AAK1: variants seen among roughly 807,000 people sequenced by gnomAD.
AAK1 encodes AP2 associated kinase 1.
A neutral mutation model predicts 116.0 loss-of-function variants in AAK1; 37 were observed. That is an observed-to-expected ratio of 0.32 (90% confidence interval 0.25 to 0.42). The LOEUF (loss-of-function observed/expected upper bound fraction) is 0.42. Among genes scored for constraint, AAK1 ranks in the 10% least tolerant of loss-of-function variants. The pLI, the probability that AAK1 is intolerant of heterozygous loss-of-function variation, is 1.00. For missense variants in AAK1, 919 were observed against 1,170.6 expected (o/e 0.79, Z 3.14); for synonymous variants, 458 against 439.9 (o/e 1.04, Z -0.51).
rs185333243 is a variant in AAK1, at chr2:69,609,813, G to A, written c.163+33065C>T. On this transcript the variant is annotated intron_variant, in intron 2 of 21. Transcript: ENST00000409085. ...GCCTGTAATCCCAGCACTTTAGGAG[G>A]CCGAGGTGGGTGGATCACGAGGTCA... 6.4e-3 allele frequency among the ~76,000 whole-genome samples: 967 copies of A among 152,216 alleles called. 21 individuals are homozygous for A. The highest frequency in any genetic ancestry group is 0.012 in the East Asian group (63 of 5,174).
intron 2 of AAK1, among the ~76,000 whole-genome samples, chr2:69,568,230 C>A (rs569310350): frequency 2.5e-4 from 38 of 152,250 alleles, no homozygotes; most frequent in Non-Finnish European, 2.8e-4. Flanking sequence ...TCTCTCAGCT[C>A]CCAAATGTTA....
rs890815504 is a variant in AAK1, at chr2:69,466,750, G to A, written c.*9119C>T. ...ACAATCAACCACTGTCTCACGTTTT[G>A]GAACATGATAGGCACGACGTACAGG... On this transcript the variant is annotated 3_prime_UTR_variant, in exon 22 of 22. Transcript: ENST00000409085. 2.0e-6 allele frequency: 2 copies of A among 985,242 alleles called. No homozygotes were observed. The highest frequency in any genetic ancestry group is 1.7e-5 in the African/African-American group (1 of 57,204). The allele number at this position is 985,242 out of a possible 1,614,324, so 61.0% of individuals were successfully genotyped here. A position where few individuals can be genotyped will look rare whatever the true frequency, so the allele number is the denominator to read the frequency against.
intron 2 of AAK1, among the ~76,000 whole-genome samples, chr2:69,557,636 C>G (rs1370186641): frequency 3.9e-5 from 6 of 152,136 alleles, no homozygotes; most frequent in Non-Finnish European, 5.9e-5. Context: ...TAACACAGTT[C>G]TGTGAGATTG....
At chr2:69,536,071 C>A (rs1469507295) in intron 5 of AAK1, among the ~76,000 whole-genome samples, 1 of 152,172 alleles carries the variant, frequency 6.6e-6, no homozygotes, top group Non-Finnish European at 1.5e-5. Flanking sequence ...AGAGAAGTTA[C>A]CTAACTTGTC....
Position 69,507,311 on chromosome 2 carries a change from G to A in AAK1, c.2164+110C>T, listed in dbSNP as rs1323819263. The A allele has an allele frequency of 4.8e-5, 64 of 1,333,164 alleles. 1 individual carries two copies. In the East Asian group the frequency reaches 1.6e-3, roughly 33 times the overall value. The allele number at this position is 1,333,164 out of a possible 1,614,324, so 82.6% of individuals were successfully genotyped here. A position where few individuals can be genotyped will look rare whatever the true frequency, so the allele number is the denominator to read the frequency against. The stretch of plus-strand genomic sequence containing the variant: ...GCCTTATGCAAAGGCCCAAGCCTAC[G>A]TTTCCACATGCATACCCTTCTAGAG... On this transcript the variant is annotated intron_variant, in intron 15 of 21. Transcript: ENST00000409085.
At position 69,473,852 on chromosome 2, in the gene AAK1, C is replaced by T. The variant is rs1190880479; in HGVS notation, c.*2017G>A. On this transcript the variant is annotated 3_prime_UTR_variant, in exon 22 of 22. Transcript: ENST00000409085. ...TCCAGGAAAGAGAATACAATTCTGA[C>T]CTGCAGCAATTTTCCTGTCCATAAA... The T allele has an allele frequency of 3.0e-6, 3 of 985,586 alleles. No individual in the cohort carries two copies. Among genetic ancestry groups the T allele is most frequent in the Non-Finnish European group, 3.6e-6 (3 of 829,914 alleles). 61.1% of individuals were successfully genotyped at this position (985,586 alleles called of 1,614,324 possible).
intron 13 of AAK1, among the ~76,000 whole-genome samples, chr2:69,513,147 T>C (rs11126234): frequency 6.6e-6 from 1 of 151,942 alleles, no homozygotes; most frequent in Non-Finnish European, 1.5e-5. Flanking sequence ...GTCTACTCCA[T>C]GCCTGCAGGA....
intron 2 of AAK1, among the ~76,000 whole-genome samples, chr2:69,639,041 T>C (rs975009088): frequency 3.3e-5 from 5 of 152,190 alleles, no homozygotes; most frequent in Admixed American, 2.6e-4. Context: ...TTTTTAAGCC[T>C]TACTAGTTTG....
rs768697245 is a variant in AAK1 at position 69,520,913 on chromosome 2, C to G, written c.1131G>C (p.Pro377=). 12 of 1,610,380 alleles carry G rather than the reference C, an allele frequency of 7.5e-6. No individual in the cohort carries two copies. The Admixed American group carries it at 2.0e-4, about 27-fold the overall frequency. Residue 377 remains proline, a synonymous_variant, in exon 11 of 22, where the codon CCG becomes CCC. Coordinates refer to ENST00000409085, the MANE Select transcript of AAK1 (RefSeq NM_014911.5). The part of the protein sequence containing the change: ...RQRPKAGQTQ[P]NPGILPIQPA... ...GCTGGATGGGAAGGATTCCTGGGTTCGGCTGAGTCTGCCCAGCTTTAGGCC... is the reference window on the plus strand; with the variant it reads ...GCTGGATGGGAAGGATTCCTGGGTTGGGCTGAGTCTGCCCAGCTTTAGGCC...
At chr2:69,606,804 G>A (rs1019045270) in intron 2 of AAK1, among the ~76,000 whole-genome samples, 12 of 152,094 alleles carry the variant, frequency 7.9e-5, no homozygotes, top group African/African-American at 1.9e-4. Flanking sequence ...GGTAGCCCAC[G>A]CCTATAATCC....
In AAK1 at chr2:69,481,203, T is replaced by C. The variant is rs1675076069; in HGVS notation, c.2468-242A>G. 13 of 346,914 alleles carry C rather than the reference T, an allele frequency of 3.7e-5. No homozygotes were observed. The South Asian group carries it at 5.3e-4, about 14-fold the overall frequency. The allele number at this position is 346,914 out of a possible 1,614,324, so 21.5% of individuals were successfully genotyped here. On this transcript the variant is annotated intron_variant, in intron 18 of 21. Transcript: ENST00000409085. ...TTAACAGGTCTCTAAAATGCCAGTC[T>C]CAGGCAAGGTGGAAAGAAAAATAAG...
intron 9 of AAK1, among the ~76,000 whole-genome samples, chr2:69,525,867 G>A (rs1183898224): frequency 6.6e-6 from 1 of 152,184 alleles, no homozygotes; most frequent in Non-Finnish European, 1.5e-5. Context: ...TTTATGAATG[G>A]GAAAGTGGGA....
At chr2:69,593,198 GTA>G (rs1673111127) in intron 2 of AAK1, among the ~76,000 whole-genome samples, 1 of 152,078 alleles carries the variant, frequency 6.6e-6, no homozygotes, top group African/African-American at 2.4e-5. Flanking sequence ...AAATGTAGAA[GTA>G]TATATATTTA....
At chr2:69,521,010 G>C (rs1669753144) in intron 10 of AAK1, 22 bp from the exon 11 acceptor site, 1 of 1,613,246 alleles carries the variant, frequency 6.2e-7, no homozygotes, top group African/African-American at 1.3e-5. Flanking sequence ...AAAGAGAAAG[G>C]TTCATATTAA....
chr2:69,560,288 C>G (rs752646706), intron 2 of AAK1, among the ~76,000 whole-genome samples: 13 of 152,168 alleles, frequency 8.5e-5, no homozygotes, highest in African/African-American at 3.1e-4. Flanking sequence ...GTCTGTCACA[C>G]GGATCAGGGT....
intron 2 of AAK1, among the ~76,000 whole-genome samples, chr2:69,617,071 T>A (rs1157500786): frequency 6.6e-6 from 1 of 151,938 alleles, no homozygotes; most frequent in African/African-American, 2.4e-5. Context: ...AAGGTATAGG[T>A]CAAGGAAAAA....
chr2:69,481,623 T>C (rs192811242), intron 18 of AAK1: 3 of 152,314 alleles, frequency 2.0e-5, no homozygotes, highest in South Asian at 2.1e-4. Flanking sequence ...TGCCTCATGA[T>C]TGGACCCTCC....
chr2:69,526,532 T>TC (rs1271593190), intron 9 of AAK1, among the ~76,000 whole-genome samples: 4 of 152,214 alleles, frequency 2.6e-5, no homozygotes, highest in African/African-American at 9.7e-5. Context: ...GGTCTTGAAC[T>TC]CCTGACCTCA....
chr2:69,548,613 CTTCT>C (rs1671033185), intron 3 of AAK1, among the ~76,000 whole-genome samples: 1 of 141,746 alleles, frequency 7.1e-6, no homozygotes, highest in South Asian at 2.2e-4. Context: ...TCCTTCCTTC[CTTCT>C]TTTCTTTTGA....
Sources: gnomAD v4.1 joint callset for allele counts (sites outside exome capture counted in the v4.1 genomes callset) on GRCh38, gnomAD v4.1.1 for gene constraint, MANE v1.5 for transcripts, NCBI Gene and HGNC (gene_info 2026-07-23, HGNC 2026-07-21) for gene names.